Variants in ZNF565 observed in about 807,000 individuals in gnomAD.
The protein encoded by ZNF565 is zinc finger protein 565.
ZNF565 carries 27 observed loss-of-function variants against 39.4 expected under a neutral mutation model. The ratio of observed to expected loss-of-function variants is 0.69; its 90% CI spans 0.51 to 0.95. The LOEUF (loss-of-function observed/expected upper bound fraction) is 0.95, where lower values mean the gene tolerates loss of function less well. Ranked by LOEUF, ZNF565 falls within the 40% of genes least tolerant of loss-of-function variation. The pLI, the probability that ZNF565 is intolerant of heterozygous loss-of-function variation, is 0.00. For missense variants in ZNF565, 524 were observed against 621.1 expected (o/e 0.84, Z 1.66); for synonymous variants, 185 against 216.6 (o/e 0.85, Z 1.28).
chr19:36,240,761 T>G (rs1034768075), intron 1 of ZNF565, among the ~76,000 whole-genome samples: 10 of 151,668 alleles, frequency 6.6e-5, no homozygotes, highest in African/African-American at 2.4e-4. Context: ...CCCAGCTACT[T>G]GGGAGGCTGA....
upstream of ZNF565, chr19:36,214,771 C>T (rs964015538): frequency 2.0e-5 from 3 of 152,692 alleles, no homozygotes; most frequent in African/African-American, 7.2e-5. Flanking sequence ...TCTCTTATCT[C>T]TGAGTCGGGG....
At chr19:36,240,791 C>T (rs1188607917) in intron 1 of ZNF565, among the ~76,000 whole-genome samples, 1 of 151,858 alleles carries the variant, frequency 6.6e-6, no homozygotes, top group South Asian at 2.1e-4. Context: ...ATTGCTCCAA[C>T]CCAGGAGGCA....
In ZNF565 at chr19:36,229,719, T is replaced by C. The variant is rs1480944540; in HGVS notation, c.55+15757A>G. 2.0e-5 allele frequency among the ~76,000 whole-genome samples: 3 copies of C among 152,208 alleles called. No individual in the cohort carries two copies. In the East Asian group the frequency reaches 5.8e-4, roughly 29 times the overall value. On this transcript the variant is annotated intron_variant, in intron 1 of 4. Coordinates refer to the ZNF565 transcript ENST00000355114. ...AATTCTCTGTCAACACATAATTTGT[T>C]ATTTATTTTCATTTTTTTGAGACAG...
chr19:36,225,798 T>G (rs1019876203), intron 1 of ZNF565, among the ~76,000 whole-genome samples: 2 of 138,604 alleles, frequency 1.4e-5, no homozygotes, highest in Non-Finnish European at 3.1e-5. Context: ...TCTTGCTTTG[T>G]CACCCAGGCT....
rs1411925342 is a variant in ZNF565 at position 36,245,429 on chromosome 19, A to T, written c.55+47T>A. 4 of 701,874 alleles carry T rather than the reference A, an allele frequency of 5.7e-6. No homozygotes were observed. The highest frequency in any genetic ancestry group is 5.4e-5 in the East Asian group (2 of 37,286). 43.5% of individuals were successfully genotyped at this position (701,874 alleles called of 1,614,324 possible). ...CCGCGCTTACGACGCCCACCCAGAA[A>T]ATCCGGATCACATTTCCCGTGGTCC... On this transcript the variant is annotated intron_variant, in intron 1 of 4. Transcript: ENST00000355114. This position sits in a 1 kb window ranked among gnomAD's most constrained non-coding sequence, Gnocchi z 4.4.
chr19:36,227,675 C>A (rs1977132732), intron 1 of ZNF565, among the ~76,000 whole-genome samples: 1 of 152,158 alleles, frequency 6.6e-6, no homozygotes, highest in African/African-American at 2.4e-5. Flanking sequence ...CCACCTCAGC[C>A]TCTTAAGTAG....
At chr19:36,239,374 C>CCATG (rs1977758089) in intron 1 of ZNF565, among the ~76,000 whole-genome samples, 2 of 150,164 alleles carry the variant, frequency 1.3e-5, no homozygotes, top group African/African-American at 4.9e-5. Flanking sequence ...GGCCAGAATA[C>CCATG]CATGGCAGGA....
chr19:36,195,018 CAA>C lies in ZNF565; in HGVS notation c.136+10_136+11del. 6.2e-7 allele frequency: 1 copy of C among 1,614,096 alleles called. No individual in the cohort carries two copies. The highest frequency in any genetic ancestry group is 8.5e-7 in the Non-Finnish European group (1 of 1,180,020). ...TGCTTTCCGTCTGGCCCGTGTGATA[CAA>C]TCTCCTTACCTAGTGAGGCCAAGTG... On this transcript the variant is annotated intron_variant, in intron 3 of 4. Transcript: ENST00000304116.
intron 4 of ZNF565, among the ~76,000 whole-genome samples, chr19:36,192,089 A>C (rs994951673): frequency 1.3e-5 from 2 of 150,918 alleles, no homozygotes; most frequent in African/African-American, 4.9e-5. Flanking sequence ...CCCGGGTTCA[A>C]GCGATTCTCC....
chr19:36,227,532 C>T (rs969005933), intron 1 of ZNF565, among the ~76,000 whole-genome samples: 2 of 151,936 alleles, frequency 1.3e-5, no homozygotes, highest in Non-Finnish European at 2.9e-5. Context: ...TGCATGTGCA[C>T]ACCACCACAC....
intron 2 of ZNF565, among the ~76,000 whole-genome samples, chr19:36,198,212 T>A (rs1160185594): frequency 1.3e-5 from 2 of 151,860 alleles, no homozygotes; most frequent in Non-Finnish European, 2.9e-5. Flanking sequence ...CTGTCCACAA[T>A]AGCCAAGATT....
At chr19:36,218,032 T>A (rs1264843102), upstream of ZNF565, 1 of 151,760 alleles carries the variant, frequency 6.6e-6, no homozygotes, top group African/African-American at 2.4e-5. Flanking sequence ...CTCGAACTCC[T>A]GACCTCATGT....
intron 4 of ZNF565, among the ~76,000 whole-genome samples, chr19:36,184,100 A>AAAAAAAC (rs1975201633): frequency 6.7e-6 from 1 of 149,748 alleles, no homozygotes; most frequent in Non-Finnish European, 1.5e-5. Context: ...AAAAAAAAAA[A>AAAAAAAC]AAACTATAGT....
intron 2 of ZNF565, among the ~76,000 whole-genome samples, chr19:36,196,056 C>G (rs1196256434): frequency 6.6e-6 from 1 of 151,838 alleles, no homozygotes; most frequent in African/African-American, 2.4e-5. Flanking sequence ...TCTGCTTCAG[C>G]CTCCTGAGTA....
At chr19:36,229,371 T>C (rs1008115497) in intron 1 of ZNF565, among the ~76,000 whole-genome samples, 2 of 152,174 alleles carry the variant, frequency 1.3e-5, no homozygotes, top group African/African-American at 2.4e-5. Flanking sequence ...TTTTTCCCTC[T>C]GCTACTTTTA....
upstream of ZNF565, among the ~76,000 whole-genome samples, chr19:36,218,841 G>A (rs184573286): frequency 7.1e-6 from 1 of 139,900 alleles, no homozygotes; most frequent in Non-Finnish European, 1.6e-5. Context: ...CAGAGTCTCG[G>A]TTTGTCGCCC....
At chr19:36,185,523 G>T (rs577241246) in intron 4 of ZNF565, among the ~76,000 whole-genome samples, 2 of 151,874 alleles carry the variant, frequency 1.3e-5, no homozygotes, top group Non-Finnish European at 2.9e-5. Context: ...CAAGAGCAGG[G>T]CCTCTTCACA....
At chr19:36,212,664 T>C (rs1401310624) in intron 1 of ZNF565, among the ~76,000 whole-genome samples, 1 of 151,452 alleles carries the variant, frequency 6.6e-6, no homozygotes, top group Admixed American at 6.6e-5. Context: ...TGTTGCTACA[T>C]TTTAAAGTCT....
intron 4 of ZNF565, among the ~76,000 whole-genome samples, chr19:36,185,968 A>G (rs1473351497): frequency 6.6e-6 from 1 of 151,404 alleles, no homozygotes; most frequent in East Asian, 1.9e-4. Context: ...TGCTGGGATT[A>G]CGGGCGTTTG....
Sources: allele counts gnomAD v4.1 joint callset (sites outside exome capture counted in the v4.1 genomes callset), GRCh38; gene constraint gnomAD v4.1.1; non-coding constraint Gnocchi (gnomAD v3.1); transcripts MANE v1.5; gene names NCBI Gene and HGNC (gene_info 2026-07-23, HGNC 2026-07-21).